SAXO2: variants seen among roughly 807,000 people sequenced by gnomAD.
SAXO2 encodes the protein stabilizer of axonemal microtubules 2.
In SAXO2, 17 loss-of-function variants were observed where a neutral mutation model predicts 18.7. The observed-to-expected ratio is 0.91, with a 90% CI of 0.62 to 1.36. SAXO2 has a LOEUF of 1.36. SAXO2 is among the 40% of genes most tolerant of loss of function. The pLI is 0.00. For synonymous variants in SAXO2, 163 were observed against 181.2 expected (o/e 0.90, Z 0.81); for missense variants, 486 against 562.6 (o/e 0.86, Z 1.38).
chr15:82,274,172 C>T (rs2141371812), intron 3 of SAXO2, among the ~76,000 whole-genome samples: 1 of 152,144 alleles, frequency 6.6e-6, no homozygotes, highest in South Asian at 2.1e-4. Flanking sequence ...ACTAGCTTTC[C>T]ATGACCTGGG....
Position 82,282,794 on chromosome 15 carries a change from C to A in SAXO2, c.1109C>A (p.Ser370Tyr). 1 of 1,614,070 alleles carries A rather than the reference C, an allele frequency of 6.2e-7. No homozygotes were observed. The highest frequency in any genetic ancestry group is 8.5e-7 in the Non-Finnish European group (1 of 1,179,988). Reference sequence around the variant, plus strand: ...AAGCAGCAGCAGATTCCCAACCCATCTGGAAAATTTGATGGTTTGAGCACT... The same window carrying A: ...AAGCAGCAGCAGATTCCCAACCCATATGGAAAATTTGATGGTTTGAGCACT... ...IKKQQQIPNP[S>Y]GKFDGLSTFR... The change falls in exon 4 of 4, where the codon TCT (serine) becomes TAT (tyrosine). Residue 370 changes from serine to tyrosine, a missense_variant. Physicochemically the swap from Ser to Tyr is moderately radical, Grantham distance 144. Transcript: ENST00000682753.
In SAXO2 at chr15:82,283,312, G is replaced by C. The variant is rs1408310621; in HGVS notation, c.*250G>C. The C allele has an allele frequency of 7.6e-6, 2 of 263,510 alleles. No homozygotes were observed. Among genetic ancestry groups the C allele is most frequent in the Non-Finnish European group, 1.4e-5 (2 of 143,208 alleles). 16.3% of individuals were successfully genotyped at this position (263,510 alleles called of 1,614,324 possible). On this transcript the variant is annotated 3_prime_UTR_variant, in exon 4 of 4. Transcript: ENST00000682753. ...ATGCATTCCCATGAGAACTATTTTAGTATTCAACATACTGCTTAGTAGCTT... is the reference window on the plus strand; with the variant it reads ...ATGCATTCCCATGAGAACTATTTTACTATTCAACATACTGCTTAGTAGCTT...
Position 82,282,901 on chromosome 15 carries a change from C to A in SAXO2, c.1216C>A (p.Pro406Thr). The A allele has an allele frequency of 1.2e-6, 2 of 1,614,036 alleles. No individual in the cohort carries two copies. Among genetic ancestry groups the A allele is most frequent in the Non-Finnish European group, 1.7e-6 (2 of 1,179,974 alleles). Residue 406 changes from proline to threonine, a missense_variant, in exon 4 of 4, where the codon CCA (proline) becomes ACA (threonine). Pro to Thr is a conservative substitution (Grantham distance 38). Transcript: ENST00000682753. ...PLNIAFKSSV[P>T]FDDVTMYSVE... The stretch of plus-strand genomic sequence containing the variant: ...AAATATTGCTTTTAAGAGTTCTGTT[C>A]CATTTGATGATGTAACCATGTACTC...
intron 1 of SAXO2, 170 bp downstream of exon 1, chr15:82,263,102 C>T: frequency 2.7e-6 from 4 of 1,492,436 alleles, no homozygotes; most frequent in Non-Finnish European, 3.5e-6. Context: ...TCGCTCCTCA[C>T]CCGCCTGCTA....
At chr15:82,271,293 T>C (rs547307247) in intron 2 of SAXO2, among the ~76,000 whole-genome samples, 77 of 152,256 alleles carry the variant, frequency 5.1e-4, no homozygotes, top group African/African-American at 1.8e-3. Flanking sequence ...CCTTCCAGGT[T>C]AGAAAAAAAA....
intron 3 of SAXO2, among the ~76,000 whole-genome samples, chr15:82,279,975 C>T (rs1465458934): frequency 6.6e-6 from 1 of 152,048 alleles, no homozygotes; most frequent in Non-Finnish European, 1.5e-5. Flanking sequence ...CTAACAAGGG[C>T]GATAGTGGAG....
chr15:82,264,844 C>G (rs757517355), intron 1 of SAXO2: 2 of 658,410 alleles, frequency 3.0e-6, no homozygotes, highest in Non-Finnish European at 5.5e-6. Context: ...CTTGTTGCCT[C>G]TATTATGTTC....
intron 1 of SAXO2, among the ~76,000 whole-genome samples, chr15:82,264,163 C>T (rs1257298040): frequency 2.0e-5 from 3 of 150,370 alleles, no homozygotes; most frequent in Middle Eastern, 3.4e-3. Flanking sequence ...CTCCGCCTCC[C>T]GGGTTCAAGC....
At chr15:82,275,502 C>A (rs887346197) in intron 3 of SAXO2, among the ~76,000 whole-genome samples, 2 of 151,878 alleles carry the variant, frequency 1.3e-5, no homozygotes, top group African/African-American at 4.8e-5. Context: ...GACCATGGTC[C>A]CTGAACACAG....
chr15:82,276,917 T>G (rs1223225271), intron 3 of SAXO2, among the ~76,000 whole-genome samples: 1 of 152,162 alleles, frequency 6.6e-6, no homozygotes, highest in Non-Finnish European at 1.5e-5. Flanking sequence ...GGTACATATG[T>G]GGGTAAATAT....
chr15:82,282,497 T>C lies in SAXO2; in HGVS notation c.812T>C (p.Leu271Pro). ...PVHTRVTQNA[L>P]FEGSTEFRES... ...CACACCAGAGTGACCCAGAATGCTC[T>C]GTTTGAAGGAAGCACTGAATTCCGT... The change falls in exon 4 of 4, where the codon CTG becomes CCG. Residue 271 changes from leucine to proline, a missense_variant. Coordinates refer to ENST00000682753, the MANE Select transcript of SAXO2 (RefSeq NM_001348699.2). 6.2e-7 allele frequency: 1 copy of C among 1,614,188 alleles called. No individual in the cohort carries two copies. The highest frequency in any genetic ancestry group is 8.5e-7 in the Non-Finnish European group (1 of 1,180,028).
chr15:82,266,988 A>G (rs1356438030), intron 2 of SAXO2, among the ~76,000 whole-genome samples: 2 of 152,178 alleles, frequency 1.3e-5, no homozygotes, highest in Non-Finnish European at 2.9e-5. Flanking sequence ...TATTACATTT[A>G]CTCATTATTT....
intron 3 of SAXO2, among the ~76,000 whole-genome samples, chr15:82,280,713 A>G (rs1393155324): frequency 6.6e-6 from 1 of 152,150 alleles, no homozygotes; most frequent in Non-Finnish European, 1.5e-5. Flanking sequence ...TTACAGGTCT[A>G]TTTTGAATGT....
At chr15:82,278,370 T>A (rs1206160138) in intron 3 of SAXO2, among the ~76,000 whole-genome samples, 1 of 152,216 alleles carries the variant, frequency 6.6e-6, no homozygotes, top group South Asian at 2.1e-4. Context: ...CCGCTTTCCA[T>A]TTCTCAAACA....
At chr15:82,266,145 C>CAAA (rs67665037) in intron 2 of SAXO2, among the ~76,000 whole-genome samples, 4 of 149,328 alleles carry the variant, frequency 2.7e-5, no homozygotes, top group African/African-American at 9.8e-5. Flanking sequence ...TAAACAACAA[C>CAAA]AAAAAAAAAA....
At chr15:82,279,696 A>G (rs2075346362) in intron 3 of SAXO2, among the ~76,000 whole-genome samples, 1 of 152,182 alleles carries the variant, frequency 6.6e-6, no homozygotes, top group South Asian at 2.1e-4. Context: ...CTTACTTTCT[A>G]AAAGTAGTTT....
chr15:82,272,573 G>A (rs902643201), intron 3 of SAXO2, among the ~76,000 whole-genome samples: 55 of 152,162 alleles, frequency 3.6e-4, no homozygotes, highest in Admixed American at 1.5e-3. Context: ...ACAGAGTCTC[G>A]TTCTGTCACC....
At chr15:82,266,214 C>T (rs141556862) in intron 2 of SAXO2, among the ~76,000 whole-genome samples, 2,753 of 152,198 alleles carry the variant, frequency 0.018, 29 homozygotes, top group Non-Finnish European at 0.026. Flanking sequence ...GGGCCTCATT[C>T]GAAGCTGTCC....
intron 1 of SAXO2, chr15:82,263,252 C>A (rs1353713064): frequency 4.1e-6 from 6 of 1,472,544 alleles, no homozygotes; most frequent in Non-Finnish European, 5.4e-6. Context: ...TGTGATCCGA[C>A]TGGGAGAGTG....
Sources: gnomAD v4.1 joint callset for allele counts (sites outside exome capture counted in the v4.1 genomes callset) on GRCh38, gnomAD v4.1.1 for gene constraint, MANE v1.5 for transcripts, NCBI Gene and HGNC (gene_info 2026-07-23, HGNC 2026-07-21) for gene names.